PDZRN3: variants seen among roughly 807,000 people sequenced by gnomAD.
PDZRN3 encodes the protein E3 ubiquitin-protein ligase PDZRN3.
PDZRN3 carries 38 observed loss-of-function variants against 85.7 expected under a neutral mutation model. That is an observed-to-expected ratio of 0.44 (90% CI 0.34 to 0.58). PDZRN3 has a LOEUF of 0.58. Among genes scored for constraint, PDZRN3 ranks in the 20% least tolerant of loss-of-function variants. The probability of loss-of-function intolerance (pLI) is 0.01; values close to 1 mark genes in which losing one functional copy is unlikely to be tolerated. For synonymous variants in PDZRN3, 759 were observed against 638.0 expected, an observed-to-expected ratio of 1.19 and a Z score of -2.86; for missense variants, 1,629 against 1,506.4, an observed-to-expected ratio of 1.08 and a Z score of -1.35.
intron 3 of PDZRN3, among the ~76,000 whole-genome samples, chr3:73,469,682 C>T (rs147030475): frequency 2.6e-5 from 4 of 152,292 alleles, no homozygotes; most frequent in East Asian, 1.9e-4. Flanking sequence ...ACTCATCAAA[C>T]GCTTATTGAC....
At chr3:73,580,914 A>T (rs1702191159) in intron 3 of PDZRN3, among the ~76,000 whole-genome samples, 1 of 152,210 alleles carries the variant, frequency 6.6e-6, no homozygotes. Context: ...AATCTACCTC[A>T]AACTAATTCT....
intron 6 of PDZRN3, 78 bp downstream of exon 6, chr3:73,390,939 GT>G: frequency 2.4e-6 from 2 of 834,066 alleles, no homozygotes; most frequent in Non-Finnish European, 4.0e-6. Context: ...GATGAGGTGG[GT>G]TAGGGTTGGT....
At chr3:73,503,243 C>T (rs1391246844) in intron 3 of PDZRN3, among the ~76,000 whole-genome samples, 1 of 152,102 alleles carries the variant, frequency 6.6e-6, no homozygotes, top group Non-Finnish European at 1.5e-5. Flanking sequence ...TTTAATGGTT[C>T]CCTCAAATTT....
intron 3 of PDZRN3, among the ~76,000 whole-genome samples, chr3:73,544,523 T>C (rs967912369): frequency 6.6e-6 from 1 of 152,192 alleles, no homozygotes; most frequent in African/African-American, 2.4e-5. Flanking sequence ...GAAATCACCA[T>C]AATCAAGCTA....
intron 3 of PDZRN3, among the ~76,000 whole-genome samples, chr3:73,495,094 A>G (rs1703842878): frequency 6.6e-6 from 1 of 152,332 alleles, no homozygotes; most frequent in East Asian, 1.9e-4. Flanking sequence ...TGACGGGATC[A>G]AGCATACCCC....
chr3:73,402,075 T>C (rs999525368), intron 4 of PDZRN3, among the ~76,000 whole-genome samples: 1 of 152,124 alleles, frequency 6.6e-6, no homozygotes, highest in Non-Finnish European at 1.5e-5. Flanking sequence ...AACTTAACAT[T>C]CCCCATTCAG....
chr3:73,409,449 C>T (rs1701921799), intron 3 of PDZRN3, among the ~76,000 whole-genome samples: 1 of 152,196 alleles, frequency 6.6e-6, no homozygotes. Flanking sequence ...ATCTTTCAGT[C>T]ATTCACTCAT....
At position 73,383,584 on chromosome 3, in the gene PDZRN3, G is replaced by T. The variant is rs373582093; in HGVS notation, c.2982C>A (p.Phe994Leu). The T allele has an allele frequency of 1.2e-6, 2 of 1,613,968 alleles. No individual in the cohort carries two copies. Among genetic ancestry groups the T allele is most frequent in the Admixed American group, 1.7e-5 (1 of 60,000 alleles). ...GACAATCCAACCTGCTCTGCATCAT[G>T]AACTCGCGCCGCCGCCGCTGCTCCT... Reference protein sequence around the residue: ...KAKEQRRRREFMMQSRLDCLK... With the variant: ...KAKEQRRRRELMMQSRLDCLK... Residue 994 changes from phenylalanine (F) to leucine (L), a missense_variant, in exon 10 of 10, where the codon TTC becomes TTA. Phe to Leu is a conservative substitution (Grantham distance 22). Coordinates refer to ENST00000263666, the MANE Select transcript of PDZRN3 (RefSeq NM_015009.3).
intron 3 of PDZRN3, among the ~76,000 whole-genome samples, chr3:73,462,143 G>A (rs1445494877): frequency 1.3e-5 from 2 of 152,164 alleles, no homozygotes; most frequent in Admixed American, 6.5e-5. Context: ...TTGCAATGAT[G>A]CTGTTCTTTA....
At chr3:73,610,250 T>G (rs1236132700) in intron 1 of PDZRN3, among the ~76,000 whole-genome samples, 1 of 152,112 alleles carries the variant, frequency 6.6e-6, no homozygotes, top group Non-Finnish European at 1.5e-5. Context: ...ACTCAATATA[T>G]AAAATACAGA....
chr3:73,550,636 T>C (rs956806506), intron 3 of PDZRN3, among the ~76,000 whole-genome samples: 1 of 152,222 alleles, frequency 6.6e-6, no homozygotes, highest in Non-Finnish European at 1.5e-5. Context: ...CCAAAGCAAC[T>C]TACTATTATT....
chr3:73,474,689 A>G, intron 3 of PDZRN3: 2 of 971,162 alleles, frequency 2.1e-6, no homozygotes, highest in South Asian at 2.4e-5. Context: ...GCACTGAACA[A>G]AAGAGGAGCA....
intron 5 of PDZRN3, 74 bp downstream of exon 5, chr3:73,400,848 C>T: frequency 9.5e-7 from 1 of 1,056,622 alleles, no homozygotes; most frequent in Non-Finnish European, 1.5e-6. Context: ...CTAATTTATG[C>T]TTATAGAGAA....
intron 3 of PDZRN3, among the ~76,000 whole-genome samples, chr3:73,554,216 C>G (rs1424637997): frequency 6.6e-6 from 1 of 152,148 alleles, no homozygotes; most frequent in Admixed American, 6.6e-5. Context: ...GAGGTTCCAC[C>G]TGGATTCAAA....
intron 3 of PDZRN3, among the ~76,000 whole-genome samples, chr3:73,492,876 T>C (rs1295138612): frequency 1.3e-5 from 2 of 152,254 alleles, no homozygotes; most frequent in East Asian, 1.9e-4. Flanking sequence ...TATTGAAATA[T>C]CATATGTACC....
chr3:73,589,395 G>A (rs972304967), intron 3 of PDZRN3, among the ~76,000 whole-genome samples: 2 of 152,072 alleles, frequency 1.3e-5, no homozygotes, highest in African/African-American at 2.4e-5. Context: ...AAAAAGCAAC[G>A]AACACTTGTT....
At chr3:73,395,423 T>A in intron 5 of PDZRN3, among the ~76,000 whole-genome samples, 1 of 152,262 alleles carries the variant, frequency 6.6e-6, no homozygotes, top group East Asian at 1.9e-4. Flanking sequence ...TGTTGCTTAC[T>A]GGTCTAGATG....
At chr3:73,551,398 G>T (rs75483159) in intron 3 of PDZRN3, among the ~76,000 whole-genome samples, 1,813 of 152,166 alleles carry the variant, frequency 0.012, 46 homozygotes, top group African/African-American at 0.042. Context: ...TGAAACTTAC[G>T]GAGGCCAGGA....
Position 73,384,941 on chromosome 3 carries a change from A to C in PDZRN3, c.1636-11T>G. 2 of 1,580,636 alleles carry C rather than the reference A, an allele frequency of 1.3e-6. No individual in the cohort carries two copies. The highest frequency in any genetic ancestry group is 1.7e-6 in the Non-Finnish European group (2 of 1,162,998). On this transcript the variant is annotated splice_polypyrimidine_tract_variant and intron_variant, in intron 9 of 9. Transcript: ENST00000263666. ...TTCGTCGTGCTTCTTCTGCATAAAC[A>C]CAAGAACAAAGGGTCACAGTGAGGG...
Sources: allele counts gnomAD v4.1 joint callset (sites outside exome capture counted in the v4.1 genomes callset), GRCh38; gene constraint gnomAD v4.1.1; transcripts MANE v1.5; gene names NCBI Gene and HGNC (gene_info 2026-07-23, HGNC 2026-07-21).